The following TBC1D17 variants were observed in gnomAD, a reference collection of about 807,000 sequenced individuals.
TBC1D17 encodes TBC1 domain family, member 17.
Under a neutral mutation model 78.8 loss-of-function variants are expected in TBC1D17, and 69 were observed. The observed-to-expected ratio is 0.88, with a 90% CI of 0.72 to 1.07. The LOEUF is 1.07. TBC1D17 is among the 50% of genes least tolerant of loss of function. The probability of loss-of-function intolerance (pLI) is 0.00; values close to 1 mark genes in which losing one functional copy is unlikely to be tolerated. For synonymous variants in TBC1D17, 456 were observed against 358.3 expected (o/e 1.27, Z -3.08); for missense variants, 957 against 861.0 (o/e 1.11, Z -1.39).
rs1157206381 is a variant in TBC1D17 at position 49,885,420 on chromosome 19, G to A, written c.1444+662G>A. 2.3e-5 allele frequency: 3 copies of A among 132,044 alleles called. No homozygotes were observed. The Admixed American group carries it at 2.3e-4, about 10-fold the overall frequency. 8.2% of individuals were successfully genotyped at this position (132,044 alleles called of 1,614,324 possible). A position where few individuals can be genotyped will look rare whatever the true frequency, so the allele number is the denominator to read the frequency against. ...AGATCACACCATGGCACTTCAGCCT[G>A]GGCAACAAGAGCGAAAGAAACTCCA... On this transcript the variant is annotated intron_variant, in intron 13 of 16. Transcript: ENST00000221543.
At position 49,888,278 on chromosome 19, in the gene TBC1D17, C is replaced by T. The variant is rs2075080979; in HGVS notation, c.1707C>T (p.Thr569=). 1 of 1,593,326 alleles carries T rather than the reference C, an allele frequency of 6.3e-7. No homozygotes were observed. The highest frequency in any genetic ancestry group is 1.1e-5 in the South Asian group (1 of 87,852). ...TMKLSVEDVL[T]RAEALHRQLT... ...AGCTGAGCGTGGAGGACGTGCTGAC[C>T]CGCGCCGAGGCCCTGCACCGCCAGC... Residue 569 remains threonine, a synonymous_variant, in exon 16 of 17, where the codon ACC becomes ACT. Transcript: ENST00000221543.
intron 3 of TBC1D17, among the ~76,000 whole-genome samples, chr19:49,879,935 C>T (rs527986371): frequency 1.3e-5 from 2 of 151,470 alleles, no homozygotes; most frequent in South Asian, 4.2e-4. Flanking sequence ...CTCACTGCAA[C>T]CTCCGCCTCC....
chr19:49,887,290 C>T, intron 13 of TBC1D17, 186 bp from the exon 14 acceptor site: 2 of 613,592 alleles, frequency 3.3e-6, no homozygotes, highest in South Asian at 1.9e-5. Context: ...CACACTTCCT[C>T]TGGAGAGTGG....
At chr19:49,887,990 C>A (rs1336409383) in intron 15 of TBC1D17, 156 bp downstream of exon 15, 8 of 905,870 alleles carry the variant, frequency 8.8e-6, no homozygotes, top group African/African-American at 3.3e-5. Flanking sequence ...TTCCCTTCTG[C>A]CCCATGCCAT....
chr19:49,886,576 G>A (rs1299569827), intron 13 of TBC1D17: 1 of 152,216 alleles, frequency 6.6e-6, no homozygotes. Flanking sequence ...ACCTGCTGGA[G>A]ATTCGGGTCC....
chr19:49,880,691 T>C (rs1600445204), intron 4 of TBC1D17, among the ~76,000 whole-genome samples: 1 of 152,088 alleles, frequency 6.6e-6, no homozygotes, highest in African/African-American at 2.4e-5. Context: ...GCTGGTGGGG[T>C]GACAGATGCA....
rs1033245072 is a variant in TBC1D17 at position 49,880,218 on chromosome 19, A to T, written c.196-61A>T. On this transcript the variant is annotated intron_variant, in intron 3 of 16. Transcript: ENST00000221543. ...ATTCAATGGGGCTATCTTCCAGGGT[A>T]GCCTCGAGGCTAAGATCTGAATCCA... 8.2e-6 allele frequency: 13 copies of T among 1,586,790 alleles called. 1 individual carries two copies. Among genetic ancestry groups the T allele is most frequent in the Non-Finnish European group, 1.1e-5 (13 of 1,160,760 alleles).
intron 3 of TBC1D17, 100 bp downstream of exon 3, chr19:49,878,672 G>T (rs1322820985): frequency 2.1e-5 from 24 of 1,131,264 alleles, no homozygotes; most frequent in Non-Finnish European, 3.2e-5. Flanking sequence ...AGACCTACTC[G>T]TGGGGCATGT....
chr19:49,884,155 C>T (rs1275172200), intron 10 of TBC1D17, 98 bp from the exon 11 acceptor site: 2 of 1,093,006 alleles, frequency 1.8e-6, no homozygotes, highest in African/African-American at 1.5e-5. Flanking sequence ...AGGCTGGGGG[C>T]TGCCAGCAGG....
At chr19:49,879,959 T>C (rs1179504029) in intron 3 of TBC1D17, among the ~76,000 whole-genome samples, 2 of 151,742 alleles carry the variant, frequency 1.3e-5, no homozygotes, top group Non-Finnish European at 2.9e-5. Context: ...GTTCAAGCGA[T>C]TTTCCTTTCT....
rs1456072264 is a variant in TBC1D17, at chr19:49,882,156, A to G, written c.639+4A>G. ...GGACAGCTCCAATGTGGTGTCAGTGAGTGTCCCCAGCAGGAGGCCTGGCGG... is the reference window on the plus strand; with the variant it reads ...GGACAGCTCCAATGTGGTGTCAGTGGGTGTCCCCAGCAGGAGGCCTGGCGG... On this transcript the variant is annotated splice_donor_region_variant and intron_variant, in intron 6 of 16. Transcript: ENST00000221543. The G allele has an allele frequency of 1.2e-6, 2 of 1,613,950 alleles. No homozygotes were observed. The highest frequency in any genetic ancestry group is 1.1e-5 in the South Asian group (1 of 91,076).
At chr19:49,882,570 C>G (rs575263385) in intron 7 of TBC1D17, among the ~76,000 whole-genome samples, 170 bp downstream of exon 7, 2 of 152,228 alleles carry the variant, frequency 1.3e-5, no homozygotes, top group Admixed American at 6.5e-5. Context: ...CTGTGAGCAC[C>G]TGCTCACCCT....
At chr19:49,885,129 G>C in intron 13 of TBC1D17, 1 of 279,030 alleles carries the variant, frequency 3.6e-6, no homozygotes. Flanking sequence ...CCTGGGGCTG[G>C]GGGTGCTGCA....
In TBC1D17 at chr19:49,887,682, A is replaced by G. The variant is rs751923288; in HGVS notation, c.1543-36A>G. ...TGGGACCTCAGGCCCAGGCTGGGCT[A>G]TGACCTCCCTCCCTCCCTCTGTCCC... On this transcript the variant is annotated intron_variant, in intron 14 of 16. Transcript: ENST00000221543. 3.7e-6 allele frequency: 6 copies of G among 1,610,378 alleles called. No individual in the cohort carries two copies. In the Admixed American group the frequency reaches 1.0e-4, roughly 27 times the overall value.
chr19:49,885,699 T>C (rs2075053179), intron 13 of TBC1D17, among the ~76,000 whole-genome samples: 1 of 150,550 alleles, frequency 6.6e-6, no homozygotes, highest in Non-Finnish European at 1.5e-5. Context: ...CGCAATGTCA[T>C]CCTGGGATCA....
chr19:49,880,357 A>T lies in TBC1D17; in HGVS notation c.274A>T (p.Ile92Phe). ...DPGYEPDWAV[I>F]STVRPQLCHS... ...CGGCTATGAACCTGACTGGGCTGTC[A>T]TCAGCACTGTGCGGCCACAGCTCTG... The change falls in exon 4 of 17, where the codon ATC becomes TTC. Residue 92 changes from isoleucine (I) to phenylalanine (F), a missense_variant. Coordinates refer to ENST00000221543, the MANE Select transcript of TBC1D17 (RefSeq NM_024682.3). 1.2e-6 allele frequency: 2 copies of T among 1,614,050 alleles called. No individual in the cohort carries two copies. Among genetic ancestry groups the T allele is most frequent in the Non-Finnish European group, 1.7e-6 (2 of 1,179,994 alleles).
At chr19:49,884,889 A>G in intron 13 of TBC1D17, 131 bp downstream of exon 13, 1 of 786,198 alleles carries the variant, frequency 1.3e-6, no homozygotes, top group Non-Finnish European at 2.1e-6. Context: ...CACACAACCT[A>G]GAATGTAGAG....
rs757007761 is a variant in TBC1D17, at chr19:49,882,101, C to T, written c.588C>T (p.Asn196=). Residue 196 remains asparagine (N), a synonymous_variant, in exon 6 of 17, where the codon AAC becomes AAT. Transcript: ENST00000221543. ...CCCACGACTCCTCTGCTCTCTCCAA[C>T]TCCTTCCACCACCTGCAGCTCTTTG... ...VFPHDSSALS[N]SFHHLQLFDQ... The T allele has an allele frequency of 7.4e-6, 12 of 1,614,186 alleles. No individual in the cohort carries two copies. In the South Asian group the frequency reaches 1.1e-4, roughly 15 times the overall value.
At chr19:49,885,062 AT>A in intron 13 of TBC1D17, 1 of 383,612 alleles carries the variant, frequency 2.6e-6, no homozygotes, top group Non-Finnish European at 4.8e-6. Flanking sequence ...GCCACTTCTT[AT>A]CCCCACCTGG....
Sources: allele counts gnomAD v4.1 joint callset (sites outside exome capture counted in the v4.1 genomes callset), GRCh38; gene constraint gnomAD v4.1.1; transcripts MANE v1.5; gene names NCBI Gene and HGNC (gene_info 2026-07-23, HGNC 2026-07-21).